LARGE1: variants seen among roughly 807,000 people sequenced by gnomAD.
LARGE1 encodes the protein xylosyl- and glucuronyltransferase LARGE1.
In LARGE1, 43 loss-of-function variants were observed where a neutral mutation model predicts 87.6. The observed-to-expected ratio is 0.49, with a 90% CI of 0.38 to 0.63. The LOEUF (loss-of-function observed/expected upper bound fraction) is 0.63, where lower values mean the gene tolerates loss of function less well. Ranked by LOEUF, LARGE1 falls within the 30% of genes least tolerant of loss-of-function variation. LARGE1 has a pLI of 0.00. For synonymous variants in LARGE1, 434 were observed against 394.6 expected (o/e 1.10, Z -1.18); for missense variants, 802 against 1,000.2 (o/e 0.80, Z 2.67).
intron 2 of LARGE1, among the ~76,000 whole-genome samples, chr22:33,695,746 G>T (rs2082224152): frequency 6.6e-6 from 1 of 152,042 alleles, no homozygotes; most frequent in African/African-American, 2.4e-5. Flanking sequence ...CGCCTTCATG[G>T]TAAAAGTTAC....
chr22:33,499,254 C>T (rs1387297383), intron 6 of LARGE1, among the ~76,000 whole-genome samples: 1 of 152,214 alleles, frequency 6.6e-6, no homozygotes, highest in African/African-American at 2.4e-5. Context: ...TCGGCTAGTG[C>T]TTACAGCTTC....
chr22:33,115,710 C>T, the LARGE1 span, among the ~76,000 whole-genome samples: 12 of 150,060 alleles, frequency 8.0e-5, no homozygotes, highest in Admixed American at 6.7e-4. Context: ...CCCAGCTACT[C>T]GGGACGCTGA....
rs58504657 is a variant in LARGE1 at position 33,483,950 on chromosome 22, C to T, written c.788-51685G>A. Among the ~76,000 whole-genome samples the T allele has an allele frequency of 5.0e-3, 763 of 152,264 alleles. 10 individuals are homozygous for T. Among genetic ancestry groups the T allele is most frequent in the African/African-American group, 0.017 (719 of 41,544 alleles). On this transcript the variant is annotated intron_variant, in intron 6 of 14. Coordinates refer to ENST00000397394, the MANE Select transcript of LARGE1 (RefSeq NM_133642.5). ...ACACCATCCTTTGGAAGGTGAGATG[C>T]GTGACCTTGACGGCCGGAAGTTTAG...
chr22:33,701,557 T>C lies in LARGE1; in HGVS notation c.107-50889A>G, dbSNP rs946870064. Among the ~76,000 whole-genome samples, 3 of 152,216 alleles carry C rather than the reference T, an allele frequency of 2.0e-5. No individual in the cohort carries two copies. In the South Asian group the frequency reaches 6.2e-4, roughly 32 times the overall value. ...CATTCTGCTTTACCATCCTCAGCTC[T>C]AGGTTGAGGCCCCTCAGTGTCCAAT... is the stretch of plus-strand genomic sequence containing the variant. On this transcript the variant is annotated intron_variant, in intron 2 of 14. Transcript: ENST00000397394.
intron 6 of LARGE1, among the ~76,000 whole-genome samples, chr22:33,479,105 G>A (rs2069200593): frequency 6.6e-6 from 1 of 152,166 alleles, no homozygotes. Context: ...GCAAGCAGGT[G>A]CCAACTTCCT....
intron 1 of LARGE1, among the ~76,000 whole-genome samples, chr22:33,918,697 A>T (rs545786091): frequency 1.1e-4 from 16 of 152,302 alleles, no homozygotes; most frequent in African/African-American, 3.8e-4. Context: ...AGCTTTCCTT[A>T]TCTTAAGTCT....
chr22:33,676,935 C>T (rs1015287880), intron 2 of LARGE1, among the ~76,000 whole-genome samples: 1 of 152,164 alleles, frequency 6.6e-6, no homozygotes, highest in East Asian at 1.9e-4. Flanking sequence ...TAAGATAGAG[C>T]TTCAATATCA....
At chr22:33,789,313 G>A (rs553741481) in intron 1 of LARGE1, among the ~76,000 whole-genome samples, 63 of 152,342 alleles carry the variant, frequency 4.1e-4, no homozygotes, top group African/African-American at 1.4e-3. Context: ...TGAGATTTGG[G>A]AACCCCTGCC....
chr22:33,090,768 C>A, the LARGE1 span, among the ~76,000 whole-genome samples: 1 of 152,138 alleles, frequency 6.6e-6, no homozygotes, highest in Non-Finnish European at 1.5e-5. Context: ...ATAAATAGAC[C>A]ACAAAATTAG....
chr22:33,750,718 G>A (rs768639736), intron 2 of LARGE1: 13 of 152,054 alleles, frequency 8.5e-5, no homozygotes, highest in Non-Finnish European at 1.0e-4. Context: ...AATTAGAGCC[G>A]TGTCATTGCA....
intron 6 of LARGE1, among the ~76,000 whole-genome samples, chr22:33,469,833 C>CAAAAAACAAAAAAT (rs1257399572): frequency 5.0e-5 from 7 of 140,306 alleles, no homozygotes; most frequent in African/African-American, 1.9e-4. Flanking sequence ...ATCTTAAAAA[C>CAAAAAACAAAAAAT]AAAAAACAAA....
intron 2 of LARGE1, among the ~76,000 whole-genome samples, chr22:33,741,529 C>T (rs1459067604): frequency 6.6e-6 from 1 of 152,212 alleles, no homozygotes; most frequent in Non-Finnish European, 1.5e-5. Context: ...CTCCTACACA[C>T]CCAAGTGTGC....
chr22:33,784,031 G>A (rs1288347776), intron 1 of LARGE1, among the ~76,000 whole-genome samples: 2 of 152,104 alleles, frequency 1.3e-5, no homozygotes, highest in African/African-American at 4.8e-5. Context: ...GTGCATGGCA[G>A]ATCCAAGATT....
At chr22:33,155,025 A>T in the LARGE1 span, among the ~76,000 whole-genome samples, 1 of 152,140 alleles carries the variant, frequency 6.6e-6, no homozygotes, top group South Asian at 2.1e-4. Context: ...TTCCACCATG[A>T]TTGTGAGGCC....
chr22:33,177,176 G>A (rs137356), intron 11 of LARGE1, among the ~76,000 whole-genome samples: 64,300 of 151,914 alleles, frequency 0.42, 13,947 homozygotes, highest in Middle Eastern at 0.47. Flanking sequence ...ACTAGGGGAG[G>A]GATAGCATTA....
intron 6 of LARGE1, among the ~76,000 whole-genome samples, chr22:33,505,244 C>T (rs923929275): frequency 9.2e-5 from 14 of 152,226 alleles, no homozygotes; most frequent in African/African-American, 2.2e-4. Flanking sequence ...TGGAATAGAG[C>T]GGCCTGCTAG....
At chr22:33,397,097 T>C (rs2065773062) in intron 7 of LARGE1, among the ~76,000 whole-genome samples, 1 of 152,124 alleles carries the variant, frequency 6.6e-6, no homozygotes, top group Admixed American at 6.6e-5. Flanking sequence ...ACCCAATATC[T>C]TGCCATCATC....
intron 2 of LARGE1, among the ~76,000 whole-genome samples, chr22:33,689,576 AAAG>A (rs1192751738): frequency 6.6e-6 from 1 of 152,184 alleles, no homozygotes; most frequent in Non-Finnish European, 1.5e-5. Context: ...GAAATGACAG[AAAG>A]AAGAAGAGAT....
At chr22:33,309,775 G>A (rs1037810239) in intron 11 of LARGE1, among the ~76,000 whole-genome samples, 1 of 152,126 alleles carries the variant, frequency 6.6e-6, no homozygotes, top group Admixed American at 6.5e-5. Flanking sequence ...CAGCATGTTC[G>A]AGCAGGAAGA....
Sources: allele counts gnomAD v4.1 joint callset (sites outside exome capture counted in the v4.1 genomes callset), GRCh38; gene constraint gnomAD v4.1.1; transcripts MANE v1.5; gene names NCBI Gene and HGNC (gene_info 2026-07-23, HGNC 2026-07-21).